The following PIWIL4 variants were observed in gnomAD, a reference collection of about 807,000 sequenced individuals.
PIWIL4 encodes the protein piwi-like protein 4.
Under a neutral mutation model 100.9 loss-of-function variants are expected in PIWIL4, and 50 were observed. The observed-to-expected ratio is 0.50, with a 90% CI of 0.39 to 0.63. The LOEUF (loss-of-function observed/expected upper bound fraction) is 0.63, where lower values mean the gene tolerates loss of function less well. Among genes scored for constraint, PIWIL4 ranks in the 20% least tolerant of loss-of-function variants. The pLI is 0.00. For synonymous variants in PIWIL4, 342 were observed against 367.5 expected (o/e 0.93, Z 0.79); for missense variants, 887 against 1,043.3 (o/e 0.85, Z 2.06).
At chr11:94,603,835 T>A in intron 12 of PIWIL4, 149 bp from the exon 13 acceptor site, 1 of 543,402 alleles carries the variant, frequency 1.8e-6, no homozygotes, top group Non-Finnish European at 3.2e-6. Context: ...TAAGAAACAA[T>A]TTTAGACTCA....
At chr11:94,582,310 A>G (rs1364624104) in intron 4 of PIWIL4, among the ~76,000 whole-genome samples, 1 of 152,128 alleles carries the variant, frequency 6.6e-6, no homozygotes, top group Non-Finnish European at 1.5e-5. Flanking sequence ...AGTTTTCCCC[A>G]TGTTGATGAG....
chr11:94,573,218 G>C (rs1011288392), intron 2 of PIWIL4, among the ~76,000 whole-genome samples: 5 of 152,150 alleles, frequency 3.3e-5, no homozygotes, highest in African/African-American at 7.2e-5. Flanking sequence ...TAGATATACA[G>C]TCATGTCATC....
intron 14 of PIWIL4, 37 bp from the exon 15 acceptor site, chr11:94,608,546 C>G (rs1469072293): frequency 1.3e-6 from 2 of 1,551,182 alleles, no homozygotes; most frequent in African/African-American, 2.7e-5. Flanking sequence ...GAAATGATAC[C>G]TCATCCCATT....
chr11:94,569,620 T>C (rs1948120783), intron 2 of PIWIL4, among the ~76,000 whole-genome samples: 1 of 152,162 alleles, frequency 6.6e-6, no homozygotes, highest in Non-Finnish European at 1.5e-5. Flanking sequence ...TCAGGTGATC[T>C]GCCCACCTTG....
chr11:94,595,046 G>A (rs1948538626), intron 9 of PIWIL4, among the ~76,000 whole-genome samples: 1 of 152,198 alleles, frequency 6.6e-6, no homozygotes, highest in African/African-American at 2.4e-5. Flanking sequence ...AATGTTTTAT[G>A]TTGATTGCAT....
chr11:94,588,294 T>G lies in PIWIL4; in HGVS notation c.915-827T>G, dbSNP rs114254952. Among the ~76,000 whole-genome samples, 479 of 152,302 alleles carry G rather than the reference T, an allele frequency of 3.1e-3. 2 individuals are homozygous for G. The highest frequency in any genetic ancestry group is 1.0e-2 in the African/African-American group (414 of 41,572). Reference sequence around the variant, plus strand: ...TGTCCCTGCAAAGGACATGATCCTGTTCCTTTTTATGGCTGCAAAAATACT... The same window carrying G: ...TGTCCCTGCAAAGGACATGATCCTGGTCCTTTTTATGGCTGCAAAAATACT... On this transcript the variant is annotated intron_variant, in intron 7 of 19. Transcript: ENST00000299001.
chr11:94,571,788 T>C (rs1948158373), intron 2 of PIWIL4, among the ~76,000 whole-genome samples: 1 of 152,236 alleles, frequency 6.6e-6, no homozygotes, highest in African/African-American at 2.4e-5. Context: ...TATAATCTTT[T>C]GGGTATATAT....
intron 9 of PIWIL4, 104 bp from the exon 10 acceptor site, chr11:94,595,205 T>A (rs1948540384): frequency 1.2e-6 from 1 of 854,708 alleles, no homozygotes; most frequent in Admixed American, 2.0e-5. Flanking sequence ...GGATGTGCTA[T>A]ACAGATGGTG....
At position 94,620,899 on chromosome 11, in the gene PIWIL4, A is replaced by T; in HGVS notation, c.2466A>T (p.Pro822=). 6.2e-7 allele frequency: 1 copy of T among 1,613,948 alleles called. No homozygotes were observed. Among genetic ancestry groups the T allele is most frequent in the Non-Finnish European group, 8.5e-7 (1 of 1,179,918 alleles). Residue 822 remains proline, a synonymous_variant, in exon 20 of 20, where the codon CCA becomes CCT. Coordinates refer to ENST00000299001, the MANE Select transcript of PIWIL4 (RefSeq NM_152431.3). The stretch of plus-strand genomic sequence containing the variant: ...AGGGCATAGTCAGTGTCCCAGCACC[A>T]TGTCAGTATGCTCACAAGCTGACCT... The part of the protein sequence containing the change: ...NWPGIVSVPA[P]CQYAHKLTFL...
At chr11:94,589,333 G>C in intron 8 of PIWIL4, 101 bp downstream of exon 8, 1 of 926,700 alleles carries the variant, frequency 1.1e-6, no homozygotes, top group East Asian at 2.6e-5. Flanking sequence ...GGCTGAGTCT[G>C]CCTCCGACCT....
rs533859561 is a variant in PIWIL4, at chr11:94,595,351, C to T, written c.1193C>T (p.Ala398Val). The part of the protein sequence containing the change: ...QATSDFQLMK[A>V]VAEKTRLSPS... The stretch of plus-strand genomic sequence containing the variant: ...ACATCTGATTTCCAGCTGATGAAGG[C>T]TGTGGCTGAAAAGACACGTCTCAGT... Residue 398 changes from alanine (A) to valine (V), a missense_variant, in exon 10 of 20, where the codon GCT becomes GTT. Physicochemically the swap from Ala to Val is moderately conservative, Grantham distance 64. Transcript: ENST00000299001. The T allele has an allele frequency of 9.9e-5, 160 of 1,614,072 alleles. No homozygotes were observed. The South Asian group carries it at 1.7e-3, about 17-fold the overall frequency.
intron 15 of PIWIL4, among the ~76,000 whole-genome samples, chr11:94,612,252 T>C (rs1004519664): frequency 6.6e-6 from 1 of 152,064 alleles, no homozygotes; most frequent in Non-Finnish European, 1.5e-5. Flanking sequence ...ATACGTAAAA[T>C]TGATGTATTC....
chr11:94,605,795 G>C (rs1388741683), intron 13 of PIWIL4, among the ~76,000 whole-genome samples: 1 of 151,996 alleles, frequency 6.6e-6, no homozygotes, highest in Non-Finnish European at 1.5e-5. Context: ...TTTTGTTATA[G>C]TCCATTACTC....
intron 10 of PIWIL4, among the ~76,000 whole-genome samples, chr11:94,596,960 G>T (rs936680175): frequency 6.6e-6 from 1 of 152,176 alleles, no homozygotes; most frequent in African/African-American, 2.4e-5. Context: ...AAACAAAAGC[G>T]TGGGGATCTC....
At chr11:94,611,252 C>T (rs551539083) in intron 15 of PIWIL4, among the ~76,000 whole-genome samples, 1 of 152,294 alleles carries the variant, frequency 6.6e-6, no homozygotes, top group African/African-American at 2.4e-5. Context: ...TCCATTCTTA[C>T]ATCCCAGGTA....
intron 2 of PIWIL4, among the ~76,000 whole-genome samples, chr11:94,573,061 G>T (rs927150905): frequency 6.6e-6 from 1 of 152,198 alleles, no homozygotes; most frequent in Admixed American, 6.5e-5. Flanking sequence ...TTGTGAATGG[G>T]AGTTCACTCA....
intron 2 of PIWIL4, among the ~76,000 whole-genome samples, 197 bp downstream of exon 2, chr11:94,569,005 C>T (rs149140025): frequency 4.7e-4 from 72 of 152,240 alleles, no homozygotes; most frequent in African/African-American, 1.4e-3. Flanking sequence ...GTTTGGTAGA[C>T]GGGACTCCAT....
intron 11 of PIWIL4, among the ~76,000 whole-genome samples, chr11:94,600,559 C>T (rs763096657): frequency 1.4e-4 from 22 of 152,108 alleles, no homozygotes; most frequent in Non-Finnish European, 2.2e-4. Context: ...AGGGCGGGAT[C>T]ACAGGACCGG....
At position 94,606,690 on chromosome 11, in the gene PIWIL4, C is replaced by T. The variant is rs192283130; in HGVS notation, c.1639-749C>T. ...TCTACTAAAATTAGAAAAAATTAGC[C>T]GGGCGTGGTGGCAGGCGCCTGTAAT... On this transcript the variant is annotated intron_variant, in intron 13 of 19. Coordinates refer to ENST00000299001, the MANE Select transcript of PIWIL4 (RefSeq NM_152431.3). 9.1e-4 allele frequency among the ~76,000 whole-genome samples: 139 copies of T among 152,116 alleles called. 1 individual carries two copies. Among genetic ancestry groups the T allele is most frequent in the Middle Eastern group, 3.4e-3 (1 of 294 alleles).
Sources: gnomAD v4.1 joint callset for allele counts (sites outside exome capture counted in the v4.1 genomes callset) on GRCh38, gnomAD v4.1.1 for gene constraint, MANE v1.5 for transcripts, NCBI Gene and HGNC (gene_info 2026-07-23, HGNC 2026-07-21) for gene names.